Variants in BCKDHB observed in about 807,000 individuals in gnomAD.
BCKDHB encodes 2-oxoisovalerate dehydrogenase subunit beta, mitochondrial.
In BCKDHB, 41 loss-of-function variants were observed where a neutral mutation model predicts 48.5. The observed-to-expected ratio is 0.85, with a 90% CI of 0.66 to 1.10. BCKDHB has a LOEUF of 1.10. Ranked by LOEUF, BCKDHB falls within the 50% of genes least tolerant of loss-of-function variation. BCKDHB has a pLI of 0.00. For synonymous variants in BCKDHB, 201 were observed against 174.8 expected (o/e 1.15, Z -1.18); for missense variants, 496 against 494.2 (o/e 1.00, Z -0.03).
At chr6:80,401,713 C>T in the BCKDHB span, among the ~76,000 whole-genome samples, 5 of 151,726 alleles carry the variant, frequency 3.3e-5, no homozygotes, top group Admixed American at 3.3e-4. Context: ...ATTTTGTACC[C>T]TTTAACTGTC....
chr6:80,166,927 C>T (rs562745229), intron 3 of BCKDHB, among the ~76,000 whole-genome samples: 7 of 152,184 alleles, frequency 4.6e-5, no homozygotes, highest in Admixed American at 1.3e-4. Context: ...ATTTTTCACA[C>T]TCCCTCCTTT....
intron 3 of BCKDHB, among the ~76,000 whole-genome samples, chr6:80,145,914 T>G (rs759884651): frequency 1.3e-5 from 2 of 152,186 alleles, no homozygotes; most frequent in African/African-American, 2.4e-5. Flanking sequence ...GACCAATTTA[T>G]TAGCTCTAAG....
chr6:80,125,001 A>G (rs779428260), intron 1 of BCKDHB, among the ~76,000 whole-genome samples: 6 of 152,190 alleles, frequency 3.9e-5, no homozygotes, highest in Non-Finnish European at 7.4e-5. Context: ...GAAGCCAGGC[A>G]TTGACTTCTC....
chr6:80,337,567 A>G (rs1244112856), intron 9 of BCKDHB, among the ~76,000 whole-genome samples: 2 of 151,776 alleles, frequency 1.3e-5, no homozygotes, highest in Admixed American at 6.6e-5. Context: ...CATGATCGCT[A>G]TATGTTCTGT....
At chr6:80,175,603 T>C (rs1773115753) in intron 6 of BCKDHB, among the ~76,000 whole-genome samples, 1 of 152,166 alleles carries the variant, frequency 6.6e-6, no homozygotes, top group Non-Finnish European at 1.5e-5. Context: ...GCAGTGCCCT[T>C]TAAACGAACA....
At chr6:80,413,206 A>G in the BCKDHB span, among the ~76,000 whole-genome samples, 3 of 152,180 alleles carry the variant, frequency 2.0e-5, no homozygotes, top group Non-Finnish European at 2.9e-5. Flanking sequence ...AAAAGATAGT[A>G]TATCAAAGAC....
chr6:80,227,160 G>T (rs1046380034), intron 8 of BCKDHB, among the ~76,000 whole-genome samples: 2 of 152,162 alleles, frequency 1.3e-5, no homozygotes, highest in African/African-American at 4.8e-5. Flanking sequence ...CATTTAACAT[G>T]TATTACAGAT....
At chr6:80,356,769 T>C in the BCKDHB span, 1 of 152,120 alleles carries the variant, frequency 6.6e-6, no homozygotes, top group Non-Finnish European at 1.5e-5. Flanking sequence ...TAAAACACTG[T>C]CCAAGCACCA....
intron 8 of BCKDHB, among the ~76,000 whole-genome samples, chr6:80,217,676 T>C (rs1775235907): frequency 6.6e-6 from 1 of 152,214 alleles, no homozygotes; most frequent in African/African-American, 2.4e-5. Flanking sequence ...TATTTTATTC[T>C]TCTGAAGGCC....
intron 1 of BCKDHB, among the ~76,000 whole-genome samples, chr6:80,121,194 A>T (rs1310888401): frequency 6.6e-6 from 1 of 152,086 alleles, no homozygotes; most frequent in African/African-American, 2.4e-5. Flanking sequence ...ATTATTTTTG[A>T]GGCCTCTGTT....
chr6:80,154,184 CATAATT>C (rs1210096588), intron 3 of BCKDHB, among the ~76,000 whole-genome samples: 4 of 152,222 alleles, frequency 2.6e-5, no homozygotes, highest in Non-Finnish European at 5.9e-5. Context: ...TTTCTTACAT[CATAATT>C]ATATTTGACT....
At chr6:80,382,990 AT>A in the BCKDHB span, among the ~76,000 whole-genome samples, 1 of 152,264 alleles carries the variant, frequency 6.6e-6, no homozygotes, top group South Asian at 2.1e-4. Context: ...GTGGCCGGTA[AT>A]AACCAGCCTT....
intron 8 of BCKDHB, among the ~76,000 whole-genome samples, chr6:80,232,816 T>C (rs1020949447): frequency 6.6e-6 from 1 of 151,428 alleles, no homozygotes; most frequent in Non-Finnish European, 1.5e-5. Flanking sequence ...TATGTGTGTT[T>C]GTGCGTTCTC....
chr6:80,123,416 C>T (rs1306412948), intron 1 of BCKDHB, among the ~76,000 whole-genome samples: 2 of 152,186 alleles, frequency 1.3e-5, no homozygotes, highest in African/African-American at 2.4e-5. Context: ...GTCATGGCTC[C>T]AGCCAGTCCC....
At chr6:80,322,895 TC>T (rs1236706104) in intron 9 of BCKDHB, among the ~76,000 whole-genome samples, 12 of 125,124 alleles carry the variant, frequency 9.6e-5, no homozygotes, top group East Asian at 2.6e-4. Context: ...TTTTCTTTTT[TC>T]TTTTTTTTTT....
intron 1 of BCKDHB, among the ~76,000 whole-genome samples, chr6:80,121,675 G>A (rs963241063): frequency 6.6e-6 from 1 of 152,142 alleles, no homozygotes; most frequent in Admixed American, 6.5e-5. Context: ...TGGTGTATAG[G>A]AATGCTTGTG....
the BCKDHB span, among the ~76,000 whole-genome samples, chr6:80,421,241 A>G: frequency 6.6e-6 from 1 of 152,100 alleles, no homozygotes; most frequent in Non-Finnish European, 1.5e-5. Flanking sequence ...GCCTTGTGAA[A>G]AAGGGGCCTA....
intron 1 of BCKDHB, among the ~76,000 whole-genome samples, chr6:80,116,613 A>G (rs1769717964): frequency 6.6e-6 from 1 of 152,198 alleles, no homozygotes; most frequent in African/African-American, 2.4e-5. Context: ...ACTTAGTACA[A>G]TTTCAATTAA....
In BCKDHB at chr6:80,214,670, G is replaced by T. The variant is rs1397094255; in HGVS notation, c.951+11458G>T. Reference sequence around the variant, plus strand: ...AATACCACTAGGTTTCCACAGCGGGGCCTGGCTCTGCCATTGTAAATTAAA... The same window carrying T: ...AATACCACTAGGTTTCCACAGCGGGTCCTGGCTCTGCCATTGTAAATTAAA... On this transcript the variant is annotated intron_variant, in intron 8 of 9. Transcript: ENST00000320393. Among the ~76,000 whole-genome samples, 3 of 152,158 alleles carry T rather than the reference G, an allele frequency of 2.0e-5. No homozygotes were observed. The East Asian group carries it at 5.8e-4, about 29-fold the overall frequency.
Sources: gnomAD v4.1 joint callset for allele counts (sites outside exome capture counted in the v4.1 genomes callset) on GRCh38, gnomAD v4.1.1 for gene constraint, MANE v1.5 for transcripts, NCBI Gene and HGNC (gene_info 2026-07-23, HGNC 2026-07-21) for gene names.